CFAP47: variants seen among roughly 807,000 people sequenced by gnomAD.
CFAP47 encodes cilia and flagella associated protein 47, also known as cilia- and flagella-associated protein 47.
CFAP47 carries 29 observed loss-of-function variants against 148.1 expected under a neutral mutation model. The observed-to-expected ratio is 0.20, with a 90% CI of 0.15 to 0.27. CFAP47 has a LOEUF of 0.27. CFAP47 is among the 10% of genes least tolerant of loss of function. The pLI is 1.00. For missense variants in CFAP47, 1,872 were observed against 1,697.5 expected, an observed-to-expected ratio of 1.10 and a Z score of -1.81; for synonymous variants, 664 against 577.3, an observed-to-expected ratio of 1.15 and a Z score of -2.15.
chrX:36,136,540 T>C (rs866734378), intron 33 of CFAP47, among the ~76,000 whole-genome samples: 10 of 111,066 alleles, frequency 9.0e-5, no homozygotes, highest in African/African-American at 2.3e-4. Context: ...GGGTGGCAAA[T>C]ATACATTCAG....
intron 18 of CFAP47, among the ~76,000 whole-genome samples, chrX:35,995,815 G>C (rs757982737): frequency 6.7e-4 from 74 of 111,038 alleles, no homozygotes; most frequent in Non-Finnish European, 1.0e-3. Context: ...TAATTGAGAA[G>C]TTGGAATGAT....
At chrX:36,317,247 A>C (rs1941442171) in intron 56 of CFAP47, among the ~76,000 whole-genome samples, 1 of 111,788 alleles carries the variant, frequency 8.9e-6, no homozygotes, top group Non-Finnish European at 1.9e-5. Context: ...ATACTTAAGA[A>C]GAGAGACAAA....
chrX:36,144,045 T>G (rs5973596), intron 35 of CFAP47, among the ~76,000 whole-genome samples: 11,746 of 111,476 alleles, frequency 0.11, 1,218 homozygotes, highest in African/African-American at 0.32. Context: ...ACAAACACTA[T>G]GCTTCTCTAT....
chrX:36,336,899 A>T (rs1362042832), intron 57 of CFAP47, among the ~76,000 whole-genome samples: 2 of 112,453 alleles, frequency 1.8e-5, no homozygotes, highest in African/African-American at 6.5e-5. Context: ...TACATAAAGC[A>T]TGCCCAGATC....
At chrX:35,931,273 T>C (rs1191677009) in intron 2 of CFAP47, among the ~76,000 whole-genome samples, 1 of 111,518 alleles carries the variant, frequency 9.0e-6, no homozygotes, top group Non-Finnish European at 1.9e-5. Flanking sequence ...TTATATATAA[T>C]GTCCCTCCTT....
intron 22 of CFAP47, among the ~76,000 whole-genome samples, chrX:36,026,404 C>A (rs1018309682): frequency 3.6e-5 from 4 of 111,159 alleles, no homozygotes; most frequent in African/African-American, 1.3e-4. Context: ...CCGTCATATC[C>A]ATCATCCCAC....
chrX:36,382,374 G>C (rs189638992), intron 63 of CFAP47, among the ~76,000 whole-genome samples: 1 of 111,773 alleles, frequency 8.9e-6, no homozygotes, highest in Non-Finnish European at 1.9e-5. Flanking sequence ...AGCACCAGTA[G>C]AGAAGCCTTC....
intron 22 of CFAP47, among the ~76,000 whole-genome samples, chrX:36,016,875 G>A (rs993743559): frequency 9.1e-6 from 1 of 109,957 alleles, no homozygotes; most frequent in Admixed American, 9.8e-5. Flanking sequence ...TAACTGAGGG[G>A]AGATGATATC....
intron 57 of CFAP47, among the ~76,000 whole-genome samples, chrX:36,336,605 A>T (rs977024223): frequency 9.0e-6 from 1 of 111,491 alleles, no homozygotes; most frequent in African/African-American, 3.3e-5. Context: ...AATATTCATC[A>T]TTTATATTTA....
intron 51 of CFAP47, among the ~76,000 whole-genome samples, chrX:36,290,434 G>A (rs1426820476): frequency 8.9e-6 from 1 of 112,298 alleles, no homozygotes; most frequent in Non-Finnish European, 1.9e-5. Context: ...AACAGAGAGT[G>A]TGATAAACAG....
intron 1 of CFAP47, among the ~76,000 whole-genome samples, chrX:35,924,043 G>A (rs111066081): frequency 0.11 from 10,474 of 91,722 alleles, 2,110 homozygotes; most frequent in African/African-American, 0.45. Flanking sequence ...ACATATATGT[G>A]TATATGTACA....
chrX:36,050,024 CCTT>C (rs1173980779), intron 26 of CFAP47, among the ~76,000 whole-genome samples: 1 of 111,988 alleles, frequency 8.9e-6, no homozygotes, highest in African/African-American at 3.2e-5. Context: ...CTTTGCTTCT[CCTT>C]CACTTTCTGC....
At chrX:36,118,173 G>A (rs1228908257) in intron 33 of CFAP47, among the ~76,000 whole-genome samples, 1 of 111,772 alleles carries the variant, frequency 8.9e-6, no homozygotes, top group Admixed American at 9.5e-5. Context: ...GTCAGATAAT[G>A]TGATTCTTCC....
intron 46 of CFAP47, among the ~76,000 whole-genome samples, chrX:36,235,572 G>T (rs1006052548): frequency 8.9e-6 from 1 of 112,426 alleles, no homozygotes; most frequent in African/African-American, 3.2e-5. Context: ...TGTGCTTCCC[G>T]AGTGAGGCAA....
chrX:36,041,925 C>CAAA (rs61099689), intron 25 of CFAP47, among the ~76,000 whole-genome samples: 7 of 30,567 alleles, frequency 2.3e-4, no homozygotes, highest in Admixed American at 2.1e-3. Context: ...GACTCCATCT[C>CAAA]AAAAAAAAAA....
At chrX:36,307,509 T>G (rs1212215185) in intron 55 of CFAP47, among the ~76,000 whole-genome samples, 2 of 111,231 alleles carry the variant, frequency 1.8e-5, no homozygotes, top group Non-Finnish European at 3.8e-5. Context: ...CAACTCATCT[T>G]CATGTCTACT....
chrX:35,934,787 C>G (rs1468018858), intron 2 of CFAP47, among the ~76,000 whole-genome samples: 1 of 110,494 alleles, frequency 9.1e-6, no homozygotes, highest in Admixed American at 9.7e-5. Flanking sequence ...ATGAATCTTG[C>G]CAGGATTGGA....
At chrX:36,374,532 TA>T (rs1229697784) in intron 62 of CFAP47, among the ~76,000 whole-genome samples, 1 of 111,380 alleles carries the variant, frequency 9.0e-6, no homozygotes, top group Non-Finnish European at 1.9e-5. Flanking sequence ...CTATTTTATT[TA>T]TTTCTGCTCT....
intron 3 of CFAP47, among the ~76,000 whole-genome samples, chrX:35,944,887 A>G (rs751106476): frequency 8.9e-6 from 1 of 112,271 alleles, no homozygotes; most frequent in Non-Finnish European, 1.9e-5. Flanking sequence ...AACTCTTATC[A>G]GTGGGCAAGT....
Sources: allele counts gnomAD v4.1 joint callset (sites outside exome capture counted in the v4.1 genomes callset), GRCh38; gene constraint gnomAD v4.1.1; transcripts MANE v1.5; gene names NCBI Gene and HGNC (gene_info 2026-07-23, HGNC 2026-07-21).